Variants in ASTN2 observed in about 807,000 individuals in gnomAD.
ASTN2 encodes astrotactin-2.
A neutral mutation model predicts 139.8 loss-of-function variants in ASTN2; 54 were observed. The observed-to-expected ratio is 0.39, with a 90% confidence interval of 0.31 to 0.48. The LOEUF is 0.48. Among genes scored for constraint, ASTN2 ranks in the 20% least tolerant of loss-of-function variants. ASTN2 has a pLI of 0.95. For synonymous variants in ASTN2, 756 were observed against 719.5 expected, an observed-to-expected ratio of 1.05 and a Z score of -0.81; for missense variants, 1,565 against 1,725.1, an observed-to-expected ratio of 0.91 and a Z score of 1.64.
At chr9:117,324,960 A>C (rs952359060) in intron 1 of ASTN2, among the ~76,000 whole-genome samples, 1 of 152,142 alleles carries the variant, frequency 6.6e-6, no homozygotes, top group Admixed American at 6.5e-5. Context: ...GGAGAAATTT[A>C]ATGCAGAGGC....
chr9:116,785,224 G>A (rs1247784781), intron 13 of ASTN2, among the ~76,000 whole-genome samples: 1 of 152,148 alleles, frequency 6.6e-6, no homozygotes, highest in African/African-American at 2.4e-5. Context: ...CTTTGCTGGT[G>A]GCTCTTCACC....
At chr9:117,205,175 A>C (rs982934487) in intron 3 of ASTN2, among the ~76,000 whole-genome samples, 4 of 152,222 alleles carry the variant, frequency 2.6e-5, no homozygotes, top group Non-Finnish European at 5.9e-5. Context: ...TATGATGGAC[A>C]AGGGGAATAT....
chr9:117,297,709 C>G (rs2130794060), intron 1 of ASTN2, among the ~76,000 whole-genome samples: 1 of 152,316 alleles, frequency 6.6e-6, no homozygotes, highest in Admixed American at 6.5e-5. Flanking sequence ...TTATCAAACC[C>G]TAAAAATGCC....
At chr9:116,759,199 A>G (rs1829611121) in intron 13 of ASTN2, among the ~76,000 whole-genome samples, 1 of 152,170 alleles carries the variant, frequency 6.6e-6, no homozygotes, top group African/African-American at 2.4e-5. Context: ...CTTAATATCT[A>G]TCATAGACTC....
intron 11 of ASTN2, among the ~76,000 whole-genome samples, chr9:116,858,043 C>T (rs544950882): frequency 2.2e-4 from 34 of 152,302 alleles, no homozygotes; most frequent in Admixed American, 7.2e-4. Context: ...ATCCAGTTGA[C>T]AGCCCCAGCT....
chr9:116,835,822 C>T (rs910812280), intron 11 of ASTN2, among the ~76,000 whole-genome samples: 6 of 152,052 alleles, frequency 3.9e-5, no homozygotes, highest in African/African-American at 1.4e-4. Context: ...GTTCTCTCTC[C>T]GTCACCCAGG....
At chr9:117,151,664 A>T (rs1830329078) in intron 3 of ASTN2, among the ~76,000 whole-genome samples, 1 of 152,140 alleles carries the variant, frequency 6.6e-6, no homozygotes, top group Non-Finnish European at 1.5e-5. Context: ...TAAATAAAGG[A>T]TGTGGAACTT....
chr9:117,377,160 T>C (rs1830145958), intron 1 of ASTN2, among the ~76,000 whole-genome samples: 1 of 152,190 alleles, frequency 6.6e-6, no homozygotes, highest in Non-Finnish European at 1.5e-5. Flanking sequence ...CCTCGGGATT[T>C]GGCCGAAAGC....
chr9:117,387,084 G>A (rs528814511), intron 1 of ASTN2, among the ~76,000 whole-genome samples: 1 of 152,052 alleles, frequency 6.6e-6, no homozygotes, highest in African/African-American at 2.4e-5. Flanking sequence ...AGGAGAATAG[G>A]AAAGTTCTTC....
At chr9:117,178,026 T>G (rs984040005) in intron 3 of ASTN2, among the ~76,000 whole-genome samples, 1 of 152,176 alleles carries the variant, frequency 6.6e-6, no homozygotes, top group Non-Finnish European at 1.5e-5. Flanking sequence ...AATTCTCACC[T>G]TTTCTTACCC....
At chr9:117,380,293 G>A (rs1455864639) in intron 1 of ASTN2, among the ~76,000 whole-genome samples, 1 of 152,076 alleles carries the variant, frequency 6.6e-6, no homozygotes, top group Non-Finnish European at 1.5e-5. Context: ...TGGAGAAAGA[G>A]ATCACAGGAT....
chr9:117,119,570 T>C (rs60176146), intron 4 of ASTN2, among the ~76,000 whole-genome samples: 4,044 of 152,322 alleles, frequency 0.027, 171 homozygotes, highest in African/African-American at 0.091. Flanking sequence ...TTACAAGTGC[T>C]AGAAAGAACA....
intron 7 of ASTN2, among the ~76,000 whole-genome samples, chr9:116,984,628 C>T (rs753364294): frequency 1.3e-5 from 2 of 152,014 alleles, no homozygotes; most frequent in Admixed American, 6.6e-5. Flanking sequence ...GAAGGAGAGA[C>T]TAAAGTAAGA....
chr9:116,952,108 C>A (rs557843846), intron 10 of ASTN2, among the ~76,000 whole-genome samples: 1 of 152,304 alleles, frequency 6.6e-6, no homozygotes, highest in South Asian at 2.1e-4. Context: ...AACTGCATTA[C>A]TGTATTTGTA....
intron 3 of ASTN2, among the ~76,000 whole-genome samples, chr9:117,191,227 C>CA (rs35328157): frequency 0.2 from 12,665 of 62,352 alleles, 829 homozygotes; most frequent in East Asian, 0.35. Context: ...TACAAAATAG[C>CA]AAAAAAAAAA....
At chr9:117,273,692 T>C (rs1055044932) in intron 2 of ASTN2, among the ~76,000 whole-genome samples, 4 of 152,188 alleles carry the variant, frequency 2.6e-5, no homozygotes, top group Non-Finnish European at 4.4e-5. Context: ...CTCTAATATA[T>C]ACCCTTTCAC....
chr9:116,733,377 G>C, intron 14 of ASTN2, 22 bp downstream of exon 14: 2 of 1,611,554 alleles, frequency 1.2e-6, no homozygotes, highest in Non-Finnish European at 8.5e-7. Context: ...AACCTGGGAA[G>C]GGTCTGGCAC....
chr9:116,900,152 C>A (rs1564330536), intron 10 of ASTN2, among the ~76,000 whole-genome samples: 1 of 152,188 alleles, frequency 6.6e-6, no homozygotes, highest in Non-Finnish European at 1.5e-5. Context: ...TTCTCTATTG[C>A]AATGCTGCTG....
chr9:117,093,853 C>T (rs528750653), intron 5 of ASTN2, among the ~76,000 whole-genome samples: 51 of 152,240 alleles, frequency 3.3e-4, no homozygotes, highest in Admixed American at 1.1e-3. Context: ...CTGCAAAAAG[C>T]GTAGGGTAAT....
Sources: allele counts gnomAD v4.1 joint callset (sites outside exome capture counted in the v4.1 genomes callset), GRCh38; gene constraint gnomAD v4.1.1; transcripts MANE v1.5; gene names NCBI Gene and HGNC (gene_info 2026-07-23, HGNC 2026-07-21).